The following IRAK3 variants were observed in gnomAD, a reference collection of about 807,000 sequenced individuals.
IRAK3 encodes the protein interleukin-1 receptor-associated kinase 3.
Under a neutral mutation model 56.6 loss-of-function variants are expected in IRAK3, and 57 were observed. The observed-to-expected ratio is 1.01, with a 90% confidence interval of 0.81 to 1.26. The LOEUF (loss-of-function observed/expected upper bound fraction) is 1.26, where lower values mean the gene tolerates loss of function less well. Among genes scored for constraint, IRAK3 ranks in the 50% most tolerant of loss-of-function variants. The probability of loss-of-function intolerance (pLI) is 0.00; values close to 1 mark genes in which losing one functional copy is unlikely to be tolerated. For missense variants in IRAK3, 703 were observed against 719.0 expected, an observed-to-expected ratio of 0.98 and a Z score of 0.25; for synonymous variants, 258 against 255.7, an observed-to-expected ratio of 1.01 and a Z score of -0.09.
At chr12:66,197,088 G>C (rs1403229196) in intron 1 of IRAK3, 1 of 1,336,008 alleles carries the variant, frequency 7.5e-7, no homozygotes, top group African/African-American at 1.5e-5. Context: ...GGACTTTTGA[G>C]CATCTGATTT....
At chr12:66,203,496 T>G (rs2052528281) in intron 1 of IRAK3, among the ~76,000 whole-genome samples, 2 of 152,212 alleles carry the variant, frequency 1.3e-5, no homozygotes, top group East Asian at 3.8e-4. Flanking sequence ...AGGTTTGCAG[T>G]TATCACTGAT....
intron 1 of IRAK3, among the ~76,000 whole-genome samples, chr12:66,189,997 T>C (rs1382262219): frequency 6.6e-6 from 1 of 152,214 alleles, no homozygotes; most frequent in Non-Finnish European, 1.5e-5. Flanking sequence ...CTTTTTATTT[T>C]AATCTAAAAA....
chr12:66,220,763 G>A (rs547161510), intron 6 of IRAK3, among the ~76,000 whole-genome samples: 121 of 151,758 alleles, frequency 8.0e-4, no homozygotes, highest in Admixed American at 2.9e-3. Context: ...CTCGTGATCC[G>A]CCCGCCTCGG....
In IRAK3 at chr12:66,248,371, T is replaced by C; in HGVS notation, c.*200T>C. On this transcript the variant is annotated 3_prime_UTR_variant, in exon 12 of 12. Transcript: ENST00000261233. Reference sequence around the variant, plus strand: ...CAGAGTGCCTTAAAAAATTGTTTTATCAGGATAATTGTCTCATGACCAAAT... The same window carrying C: ...CAGAGTGCCTTAAAAAATTGTTTTACCAGGATAATTGTCTCATGACCAAAT... 1.9e-6 allele frequency: 1 copy of C among 525,924 alleles called. No homozygotes were observed. Among genetic ancestry groups the C allele is most frequent in the Non-Finnish European group, 3.4e-6 (1 of 295,192 alleles). 32.6% of individuals were successfully genotyped at this position (525,924 alleles called of 1,614,324 possible).
intron 6 of IRAK3, among the ~76,000 whole-genome samples, chr12:66,223,846 T>C (rs2052760410): frequency 6.6e-6 from 1 of 151,328 alleles, no homozygotes. Flanking sequence ...CCCGAGTAGC[T>C]GGGCAAAAAC....
chr12:66,191,570 G>A (rs536158390), intron 1 of IRAK3, among the ~76,000 whole-genome samples: 22 of 152,212 alleles, frequency 1.4e-4, no homozygotes, highest in Non-Finnish European at 2.9e-4. Context: ...AGGTGGTCAT[G>A]CCTACTGACT....
At chr12:66,242,912 A>G (rs544385683) in intron 8 of IRAK3, among the ~76,000 whole-genome samples, 13 of 152,244 alleles carry the variant, frequency 8.5e-5, no homozygotes, top group African/African-American at 2.6e-4. Flanking sequence ...CATCTCTACT[A>G]AAAATTAGCC....
intron 8 of IRAK3, among the ~76,000 whole-genome samples, chr12:66,240,465 T>A (rs1365278280): frequency 6.6e-6 from 1 of 152,164 alleles, no homozygotes; most frequent in East Asian, 1.9e-4. Flanking sequence ...TTCAGATTTG[T>A]AGCATTCCAG....
At chr12:66,193,128 C>A (rs928147800) in intron 1 of IRAK3, among the ~76,000 whole-genome samples, 1 of 152,106 alleles carries the variant, frequency 6.6e-6, no homozygotes, top group Non-Finnish European at 1.5e-5. Flanking sequence ...CTATCTCAGC[C>A]TCCCGAGTAG....
At chr12:66,202,705 T>C (rs2052520633) in intron 1 of IRAK3, among the ~76,000 whole-genome samples, 1 of 151,646 alleles carries the variant, frequency 6.6e-6, no homozygotes, top group Non-Finnish European at 1.5e-5. Context: ...CTTGGGAGGC[T>C]GAGGTGGGAG....
At chr12:66,207,300 A>G (rs535268817) in intron 2 of IRAK3, among the ~76,000 whole-genome samples, 2 of 152,204 alleles carry the variant, frequency 1.3e-5, no homozygotes, top group Non-Finnish European at 2.9e-5. Context: ...GTGAAACCCT[A>G]TCTCTACTAA....
chr12:66,211,651 T>C, intron 5 of IRAK3, 54 bp downstream of exon 5: 1 of 1,435,886 alleles, frequency 7.0e-7, no homozygotes, highest in Non-Finnish European at 9.8e-7. Context: ...TGTTCATCTT[T>C]CATATTAAAA....
rs554295447 is a variant in IRAK3 at position 66,251,252 on chromosome 12, T to C, written c.*3081T>C. On this transcript the variant is annotated 3_prime_UTR_variant, in exon 12 of 12. Transcript: ENST00000261233. Reference sequence around the variant, plus strand: ...TGTGGCTGGGAAGTACCAAATCTTCTGTTGAGTGATTCAGTCTTCCTGACT... The same window carrying C: ...TGTGGCTGGGAAGTACCAAATCTTCCGTTGAGTGATTCAGTCTTCCTGACT... 1 of 152,334 alleles carries C rather than the reference T, an allele frequency of 6.6e-6. No homozygotes were observed. Among genetic ancestry groups the C allele is most frequent in the South Asian group, 2.1e-4 (1 of 4,826 alleles). 9.4% of individuals were successfully genotyped at this position (152,334 alleles called of 1,614,324 possible). A position where few individuals can be genotyped will look rare whatever the true frequency, so the allele number is the denominator to read the frequency against.
At chr12:66,217,564 C>G in intron 6 of IRAK3, among the ~76,000 whole-genome samples, 1 of 152,120 alleles carries the variant, frequency 6.6e-6, no homozygotes, top group African/African-American at 2.4e-5. Context: ...TAGAGAAATT[C>G]CAGTCTAGAA....
At chr12:66,245,944 CTG>C (rs1209765202) in intron 11 of IRAK3, among the ~76,000 whole-genome samples, 1 of 152,126 alleles carries the variant, frequency 6.6e-6, no homozygotes, top group South Asian at 2.1e-4. Flanking sequence ...AATGCCTACT[CTG>C]TGTGTGCCAG....
Position 66,245,281 on chromosome 12 carries a change from T to G in IRAK3, c.1314+19T>G, listed in dbSNP as rs1448748592. 3.1e-6 allele frequency: 5 copies of G among 1,613,282 alleles called. No individual in the cohort carries two copies. In the African/African-American group the frequency reaches 5.3e-5, roughly 17 times the overall value. The stretch of plus-strand genomic sequence containing the variant: ...GGATGAAGTGAGTATATACATGGTT[T>G]TATTCAAAACTGAGCCCACAGAACC... On this transcript the variant is annotated intron_variant, in intron 11 of 11. Transcript: ENST00000261233.
intron 5 of IRAK3, among the ~76,000 whole-genome samples, chr12:66,213,640 A>G (rs1268598937): frequency 1.3e-5 from 2 of 152,112 alleles, no homozygotes; most frequent in South Asian, 2.1e-4. Flanking sequence ...TCAACTTAAG[A>G]TCATTGATTT....
Position 66,252,555 on chromosome 12 carries a change from A to G in IRAK3, c.*4384A>G, listed in dbSNP as rs929299487. On this transcript the variant is annotated 3_prime_UTR_variant, in exon 12 of 12. Transcript: ENST00000261233. ...AATGAATCCATCCATCCAAACTTCC[A>G]TTCATTGAATAAATACTTAGCAATG... The G allele has an allele frequency of 1.3e-5, 2 of 152,244 alleles. No homozygotes were observed. Among genetic ancestry groups the G allele is most frequent in the African/African-American group, 2.4e-5 (1 of 41,464 alleles). The allele number at this position is 152,244 out of a possible 1,614,324, so 9.4% of individuals were successfully genotyped here.
Position 66,248,123 on chromosome 12 carries a change from T to C in IRAK3, c.1743T>C (p.Cys581=), listed in dbSNP as rs750104190. ...SCRSRPVESS[C]SSKFSWDEYE... ...GGAGCAGGCCAGTGGAGAGCAGCTG[T>C]TCCTCCAAATTTTCCTGGGATGAAT... The change falls in exon 12 of 12, where the codon TGT becomes TGC. Residue 581 remains cysteine, a synonymous_variant. Coordinates refer to ENST00000261233, the MANE Select transcript of IRAK3 (RefSeq NM_007199.3). 1 of 1,612,146 alleles carries C rather than the reference T, an allele frequency of 6.2e-7. No homozygotes were observed. The highest frequency in any genetic ancestry group is 8.5e-7 in the Non-Finnish European group (1 of 1,179,296).
Sources: allele counts gnomAD v4.1 joint callset (sites outside exome capture counted in the v4.1 genomes callset), GRCh38; gene constraint gnomAD v4.1.1; transcripts MANE v1.5; gene names NCBI Gene and HGNC (gene_info 2026-07-23, HGNC 2026-07-21).